The following LRCH1 variants were observed in gnomAD, a reference collection of about 807,000 sequenced individuals.
The protein encoded by LRCH1 is leucine rich repeats and calponin homology domain containing 1.
A neutral mutation model predicts 94.9 loss-of-function variants in LRCH1; 23 were observed. The observed-to-expected ratio is 0.24, with a 90% CI of 0.17 to 0.34. The LOEUF is 0.34. Ranked by LOEUF, LRCH1 falls within the 10% of genes least tolerant of loss-of-function variation. The probability of loss-of-function intolerance (pLI) is 1.00; values close to 1 mark genes in which losing one functional copy is unlikely to be tolerated. For missense variants in LRCH1, 790 were observed against 945.9 expected, an observed-to-expected ratio of 0.84 and a Z score of 2.16; for synonymous variants, 364 against 354.9, an observed-to-expected ratio of 1.03 and a Z score of -0.29.
At chr13:46,675,021 G>T (rs2051652161) in intron 3 of LRCH1, among the ~76,000 whole-genome samples, 1 of 152,186 alleles carries the variant, frequency 6.6e-6, no homozygotes, top group Admixed American at 6.5e-5. Flanking sequence ...TGGTACAAAT[G>T]GTCAATGTCT....
In LRCH1 at chr13:46,705,094, G is replaced by A. The variant is rs1165152772; in HGVS notation, c.1427G>A (p.Ser476Asn). The stretch of plus-strand genomic sequence containing the variant: ...TTAAGCACAGATATTACAGAGAGAA[G>A]TGTTTTAAACCTATATCCTATGGGA... Reference protein sequence around the residue: ...NGLSTDITERSVLNLYPMGSA... With the variant: ...NGLSTDITERNVLNLYPMGSA... Residue 476 changes from serine to asparagine, a missense_variant, in exon 12 of 20, where the codon AGT becomes AAT. Ser to Asn is a conservative substitution (Grantham distance 46, BLOSUM62 1). Transcript: ENST00000389797. 8 of 1,600,208 alleles carry A rather than the reference G, an allele frequency of 5.0e-6. No homozygotes were observed. The highest frequency in any genetic ancestry group is 2.3e-5 in the South Asian group (2 of 88,184).
At chr13:46,726,445 CT>C (rs1447433111) in intron 17 of LRCH1, among the ~76,000 whole-genome samples, 6 of 152,312 alleles carry the variant, frequency 3.9e-5, no homozygotes, top group African/African-American at 1.4e-4. Flanking sequence ...ACAATAAAAG[CT>C]GACTTTCTCT....
chr13:46,701,249 G>A (rs1480403885), intron 11 of LRCH1, 42 bp downstream of exon 11: 4 of 1,350,738 alleles, frequency 3.0e-6, no homozygotes, highest in Non-Finnish European at 4.3e-6. Flanking sequence ...TGTAAATAAT[G>A]CATACTAATG....
In LRCH1 at chr13:46,744,783, G is replaced by A; in HGVS notation, c.*2935G>A. ...TTAAAATTTTAAGAAACTGAAAGTT[G>A]TTTTGGATTAGGTGAAAAATACTTT... On this transcript the variant is annotated 3_prime_UTR_variant, in exon 20 of 20. Transcript: ENST00000389797. The A allele has an allele frequency of 1.0e-6, 1 of 985,198 alleles. No homozygotes were observed. The highest frequency in any genetic ancestry group is 1.2e-6 in the Non-Finnish European group (1 of 829,726). 61.0% of individuals were successfully genotyped at this position (985,198 alleles called of 1,614,324 possible). A position where few individuals can be genotyped will look rare whatever the true frequency, so the allele number is the denominator to read the frequency against.
intron 1 of LRCH1, among the ~76,000 whole-genome samples, chr13:46,617,834 A>C (rs2050829695): frequency 6.6e-6 from 1 of 152,162 alleles, no homozygotes. Flanking sequence ...TTTTCTTTAT[A>C]ATGTGGTGCC....
In LRCH1 at chr13:46,573,866, A is replaced by ATATATATATATATATATATATTTTT; in HGVS notation, c.307+20164_307+20165insATATATATATATATATATATTTTTT. On this transcript the variant is annotated intron_variant, in intron 1 of 19. Coordinates refer to ENST00000389797, the MANE Select transcript of LRCH1 (RefSeq NM_001164211.2). ...GTCAAATATATATATATATATATAT[A>ATATATATATATATATATATATTTTT]TTTTTTTTTTTTTTGAGATGGAGTC... is the stretch of plus-strand genomic sequence containing the variant. Among the ~76,000 whole-genome samples the ATATATATATATATATATATATTTTT allele has an allele frequency of 4.1e-4, 26 of 63,382 alleles. 1 individual carries two copies. The highest frequency in any genetic ancestry group is 8.6e-4 in the Admixed American group (4 of 4,652). 41.6% of individuals were successfully genotyped at this position (63,382 alleles called of 152,430 possible). A position where few individuals can be genotyped will look rare whatever the true frequency, so the allele number is the denominator to read the frequency against.
chr13:46,642,572 C>G (rs925777892), intron 1 of LRCH1, among the ~76,000 whole-genome samples: 71 of 152,214 alleles, frequency 4.7e-4, no homozygotes, highest in African/African-American at 1.6e-3. Flanking sequence ...AGGTCAGATT[C>G]TTGTTGCTCT....
At chr13:46,687,616 T>A (rs1379764918) in intron 5 of LRCH1, among the ~76,000 whole-genome samples, 1 of 152,240 alleles carries the variant, frequency 6.6e-6, no homozygotes, top group Non-Finnish European at 1.5e-5. Flanking sequence ...GTTTTATAGT[T>A]TAATGCAAGA....
At chr13:46,636,039 A>G (rs1465066417) in intron 1 of LRCH1, among the ~76,000 whole-genome samples, 2 of 140,930 alleles carry the variant, frequency 1.4e-5, no homozygotes, top group Non-Finnish European at 3.0e-5. Context: ...ACAACACAAC[A>G]TCCAACTTAC....
intron 2 of LRCH1, among the ~76,000 whole-genome samples, chr13:46,653,763 G>A (rs569987994): frequency 4.6e-5 from 7 of 151,980 alleles, no homozygotes; most frequent in Non-Finnish European, 5.9e-5. Flanking sequence ...TTGAAGCTGC[G>A]GTGAGCCGTG....
chr13:46,619,001 T>C (rs907605810), intron 1 of LRCH1, among the ~76,000 whole-genome samples: 1 of 152,208 alleles, frequency 6.6e-6, no homozygotes, highest in Non-Finnish European at 1.5e-5. Flanking sequence ...AAAAATCCTG[T>C]CAGATTCTTG....
intron 2 of LRCH1, among the ~76,000 whole-genome samples, chr13:46,666,931 T>G (rs1161589256): frequency 6.6e-6 from 1 of 151,994 alleles, no homozygotes; most frequent in Non-Finnish European, 1.5e-5. Flanking sequence ...TGGCCCTAGC[T>G]CCTCCCTTCC....
At chr13:46,683,278 A>G (rs1397779885) in intron 4 of LRCH1, among the ~76,000 whole-genome samples, 1 of 152,220 alleles carries the variant, frequency 6.6e-6, no homozygotes, top group Non-Finnish European at 1.5e-5. Context: ...ACTTTGCAAA[A>G]GGTAATGTGC....
At chr13:46,650,744 A>G (rs1352684432) in intron 2 of LRCH1, among the ~76,000 whole-genome samples, 1 of 49,152 alleles carries the variant, frequency 2.0e-5, no homozygotes, top group African/African-American at 4.8e-5. Flanking sequence ...AAAAAAAAAG[A>G]GAAAGCCTGG....
In LRCH1 at chr13:46,687,271, T is replaced by C. The variant is rs530558607; in HGVS notation, c.823-581T>C. ...ACTGCTCCCAACCATATATTCCTTATTTGAATGTTAGCTGGAAAATGGAAT... is the reference window on the plus strand; with the variant it reads ...ACTGCTCCCAACCATATATTCCTTACTTGAATGTTAGCTGGAAAATGGAAT... On this transcript the variant is annotated intron_variant, in intron 5 of 19. Transcript: ENST00000389797. 3.9e-5 allele frequency among the ~76,000 whole-genome samples: 6 copies of C among 152,348 alleles called. No individual in the cohort carries two copies. In the East Asian group the frequency reaches 5.8e-4, roughly 15 times the overall value.
Position 46,625,107 on chromosome 13 carries a change from G to T in LRCH1, c.308-25094G>T, listed in dbSNP as rs562048557. On this transcript the variant is annotated intron_variant, in intron 1 of 19. Transcript: ENST00000389797. ...GCAGCTGTGCCATTTTATCTGTTTG[G>T]ATTCTTAACCCCCTCTCTTGCCCAA... Among the ~76,000 whole-genome samples the T allele has an allele frequency of 1.1e-3, 173 of 152,350 alleles. 1 individual carries two copies. Among genetic ancestry groups the T allele is most frequent in the African/African-American group, 3.9e-3 (163 of 41,580 alleles).
chr13:46,668,733 TGGCGGGG>T, intron 2 of LRCH1, among the ~76,000 whole-genome samples: 4 of 67,570 alleles, frequency 5.9e-5, no homozygotes, highest in Non-Finnish European at 8.6e-5. Context: ...GGTGGCGGGG[TGGCGGGG>T]TGGCGGGGGG....
At chr13:46,741,179 A>G (rs553427096) in intron 19 of LRCH1, among the ~76,000 whole-genome samples, 2 of 152,370 alleles carry the variant, frequency 1.3e-5, no homozygotes, top group East Asian at 3.8e-4. Flanking sequence ...ACTACTTTAT[A>G]TCCAAGTCTA....
chr13:46,602,954 ACATACATGCATACATACATGCATG>A (rs950513729), intron 1 of LRCH1, among the ~76,000 whole-genome samples: 3 of 131,512 alleles, frequency 2.3e-5, no homozygotes, highest in Non-Finnish European at 3.1e-5. Flanking sequence ...GTCAACAAAT[ACATACATGCATACATACATGCATG>A]CATACATACA....
Sources: gnomAD v4.1 joint callset for allele counts (sites outside exome capture counted in the v4.1 genomes callset) on GRCh38, gnomAD v4.1.1 for gene constraint, MANE v1.5 for transcripts, NCBI Gene and HGNC (gene_info 2026-07-23, HGNC 2026-07-21) for gene names.